The following SYTL2 variants were observed in gnomAD, a reference collection of about 807,000 sequenced individuals.
SYTL2 encodes synaptotagmin like 2.
Under a neutral mutation model 198.7 loss-of-function variants are expected in SYTL2, and 165 were observed. The ratio of observed to expected loss-of-function variants is 0.83; its 90% CI spans 0.73 to 0.94. The LOEUF is 0.94. Among genes scored for constraint, SYTL2 ranks in the 40% least tolerant of loss-of-function variants. SYTL2 has a pLI of 0.00. For missense variants in SYTL2, 2,835 were observed against 2,582.8 expected (o/e 1.10, Z -2.12); for synonymous variants, 966 against 917.7 (o/e 1.05, Z -0.95).
At position 85,757,925 on chromosome 11, in the gene SYTL2, A is replaced by G; in HGVS notation, c.-200T>C. On this transcript the variant is annotated 5_prime_UTR_variant, in exon 2 of 20. Transcript: ENST00000359152. ...TCCTAAGTGCTCTTTCCCATGAGGAAGTCCTGGTCTGTGGGATAGTGTCGA... is the reference window on the plus strand; with the variant it reads ...TCCTAAGTGCTCTTTCCCATGAGGAGGTCCTGGTCTGTGGGATAGTGTCGA... 1 of 630,634 alleles carries G rather than the reference A, an allele frequency of 1.6e-6. No homozygotes were observed. The highest frequency in any genetic ancestry group is 2.7e-6 in the Non-Finnish European group (1 of 373,186). 39.1% of individuals were successfully genotyped at this position (630,634 alleles called of 1,614,324 possible). A position where few individuals can be genotyped will look rare whatever the true frequency, so the allele number is the denominator to read the frequency against.
chr11:85,757,938 G>T lies in SYTL2; in HGVS notation c.-213C>A. 1.7e-6 allele frequency: 1 copy of T among 582,262 alleles called. No homozygotes were observed. Among genetic ancestry groups the T allele is most frequent in the Non-Finnish European group, 3.0e-6 (1 of 337,186 alleles). The allele number at this position is 582,262 out of a possible 1,614,324, so 36.1% of individuals were successfully genotyped here. On this transcript the variant is annotated 5_prime_UTR_variant, in exon 2 of 20. Coordinates refer to ENST00000359152, the MANE Select transcript of SYTL2 (RefSeq NM_206927.4). ...TTCCCATGAGGAAGTCCTGGTCTGT[G>T]GGATAGTGTCGAGAAGAGGCTCTCA...
intron 4 of SYTL2, among the ~76,000 whole-genome samples, chr11:85,745,032 G>A (rs1035751377): frequency 1.3e-5 from 2 of 152,156 alleles, no homozygotes; most frequent in African/African-American, 4.8e-5. Context: ...ATATCCTTAA[G>A]AGGCATTTAC....
intron 17 of SYTL2, 56 bp downstream of exon 17, chr11:85,700,459 G>T: frequency 1.4e-6 from 2 of 1,400,832 alleles, no homozygotes; most frequent in Non-Finnish European, 2.0e-6. Context: ...AGTAAATACT[G>T]TGAGAAGGGA....
At chr11:85,792,293 G>A (rs1006646774) in intron 1 of SYTL2, among the ~76,000 whole-genome samples, 4 of 152,140 alleles carry the variant, frequency 2.6e-5, no homozygotes, top group South Asian at 2.1e-4. Flanking sequence ...CCACCCTAAC[G>A]GGGTAGTTAA....
intron 2 of SYTL2, among the ~76,000 whole-genome samples, chr11:85,751,673 G>A (rs751893275): frequency 3.3e-5 from 5 of 152,262 alleles, no homozygotes; most frequent in Middle Eastern, 6.8e-3. Flanking sequence ...TCATTCTCTC[G>A]TTCATTCTCC....
chr11:85,793,017 C>T (rs7127393), intron 1 of SYTL2, among the ~76,000 whole-genome samples: 2,597 of 152,008 alleles, frequency 0.017, 117 homozygotes, highest in African/African-American at 0.06. Context: ...TTTTCTTAAT[C>T]CAGTCTATCA....
chr11:85,725,578 T>G lies in SYTL2; in HGVS notation c.3780A>C (p.Ser1260=). ...GAGCTAGTATTTCTCTCTTATCAGC[T>G]GAAGTATTGTGACTCTGTTCTATCC... The part of the protein sequence containing the change: ...GKGIEQSHNT[S]ADKREILAPF... Residue 1260 remains serine (S), a synonymous_variant, in exon 8 of 20, where the codon TCA becomes TCC. Coordinates refer to ENST00000359152, the MANE Select transcript of SYTL2 (RefSeq NM_206927.4). 2 of 1,614,108 alleles carry G rather than the reference T, an allele frequency of 1.2e-6. No individual in the cohort carries two copies. The highest frequency in any genetic ancestry group is 1.3e-5 in the African/African-American group (1 of 75,054).
intron 1 of SYTL2, among the ~76,000 whole-genome samples, chr11:85,781,890 A>T (rs1390910355): frequency 6.6e-6 from 1 of 152,176 alleles, no homozygotes; most frequent in Non-Finnish European, 1.5e-5. Context: ...AACTGCTTTC[A>T]CAGGCTGGCA....
chr11:85,789,338 GTGTATATATA>G (rs1168249752), intron 1 of SYTL2, among the ~76,000 whole-genome samples: 40 of 27,080 alleles, frequency 1.5e-3, no homozygotes, highest in Non-Finnish European at 1.9e-3. Flanking sequence ...GTGTGTGTGT[GTGTATATATA>G]TATATATATA....
the SYTL2 span, among the ~76,000 whole-genome samples, chr11:85,827,541 C>A: frequency 6.6e-6 from 1 of 152,280 alleles, no homozygotes; most frequent in East Asian, 1.9e-4. Context: ...TTCTTTGTCT[C>A]CCCACCCCTA....
At chr11:85,707,727 A>G (rs954956844) in intron 14 of SYTL2, among the ~76,000 whole-genome samples, 196 bp from the exon 15 acceptor site, 10 of 152,038 alleles carry the variant, frequency 6.6e-5, no homozygotes, top group African/African-American at 2.4e-4. Flanking sequence ...TGATCATTTT[A>G]TATTGTTTTG....
At chr11:85,718,665 C>T in intron 10 of SYTL2, 125 bp downstream of exon 10, 1 of 753,292 alleles carries the variant, frequency 1.3e-6, no homozygotes, top group South Asian at 1.7e-5. Flanking sequence ...GTAACTTAGG[C>T]ACTATTCACC....
intron 9 of SYTL2, among the ~76,000 whole-genome samples, chr11:85,719,641 G>A (rs908688842): frequency 2.0e-5 from 3 of 152,100 alleles, no homozygotes; most frequent in African/African-American, 7.2e-5. Flanking sequence ...CGCCTGTTGA[G>A]GAGGCTTTAG....
chr11:85,751,375 G>A (rs1355943220), intron 2 of SYTL2, among the ~76,000 whole-genome samples: 36 of 151,988 alleles, frequency 2.4e-4, no homozygotes, highest in Non-Finnish European at 8.8e-5. Context: ...TCCAGCCCAC[G>A]TTCATCTCTC....
intron 11 of SYTL2, 199 bp from the exon 12 acceptor site, chr11:85,714,706 C>A: frequency 7.9e-7 from 1 of 1,263,318 alleles, no homozygotes; most frequent in Non-Finnish European, 1.0e-6. Flanking sequence ...AGAGAACTAG[C>A]AAGGAGTTGA....
At chr11:85,805,910 T>C (rs58519079) in intron 1 of SYTL2, among the ~76,000 whole-genome samples, 8,729 of 152,270 alleles carry the variant, frequency 0.057, 796 homozygotes, top group African/African-American at 0.19. Context: ...CTACAAACTG[T>C]TTAGAAAGTA....
intron 1 of SYTL2, among the ~76,000 whole-genome samples, chr11:85,760,663 AAAC>A (rs2092071380): frequency 6.6e-6 from 1 of 152,152 alleles, no homozygotes; most frequent in African/African-American, 2.4e-5. Flanking sequence ...GACAGGAAGA[AAAC>A]AACAACAATG....
chr11:85,790,063 C>T (rs1199688815), intron 1 of SYTL2, among the ~76,000 whole-genome samples: 3 of 151,914 alleles, frequency 2.0e-5, no homozygotes, highest in Non-Finnish European at 4.4e-5. Context: ...AACCCAGATT[C>T]GTTTGTCTCA....
intron 1 of SYTL2, among the ~76,000 whole-genome samples, chr11:85,768,408 C>G (rs1284469484): frequency 6.6e-6 from 1 of 152,150 alleles, no homozygotes; most frequent in Non-Finnish European, 1.5e-5. Flanking sequence ...CCTAATGACT[C>G]TCGTTTGTTT....
Sources: allele counts gnomAD v4.1 joint callset (sites outside exome capture counted in the v4.1 genomes callset), GRCh38; gene constraint gnomAD v4.1.1; transcripts MANE v1.5; gene names NCBI Gene and HGNC (gene_info 2026-07-23, HGNC 2026-07-21).